MLLT10: variants seen among roughly 807,000 people sequenced by gnomAD.
The protein encoded by MLLT10 is MLLT10 histone lysine methyltransferase DOT1L cofactor.
In MLLT10, 30 loss-of-function variants were observed where a neutral mutation model predicts 129.1. The observed-to-expected ratio is 0.23, with a 90% CI of 0.17 to 0.32. The LOEUF is 0.32. MLLT10 is among the 10% of genes least tolerant of loss of function. The probability of loss-of-function intolerance (pLI) is 1.00; values close to 1 mark genes in which losing one functional copy is unlikely to be tolerated. For synonymous variants in MLLT10, 490 were observed against 446.4 expected, an observed-to-expected ratio of 1.10 and a Z score of -1.23; for missense variants, 1,119 against 1,268.3, an observed-to-expected ratio of 0.88 and a Z score of 1.79.
chr10:21,569,323 A>G lies in MLLT10; in HGVS notation c.241-16971A>G, dbSNP rs114216581. On this transcript the variant is annotated intron_variant, in intron 3 of 22. Coordinates refer to ENST00000307729, the MANE Select transcript of MLLT10 (RefSeq NM_001195626.3). ...AGGCTGGAGTGCAGTGGCATGCACA[A>G]TCATAGCTCATTAAGCCTCCACCTC... Among the ~76,000 whole-genome samples, 584 of 150,832 alleles carry G rather than the reference A, an allele frequency of 3.9e-3. 6 individuals are homozygous for G. The highest frequency in any genetic ancestry group is 0.013 in the African/African-American group (549 of 41,058).
intron 3 of MLLT10, among the ~76,000 whole-genome samples, chr10:21,575,115 T>G (rs1172441962): frequency 6.6e-6 from 1 of 152,190 alleles, no homozygotes; most frequent in Non-Finnish European, 1.5e-5. Flanking sequence ...TACTATTTCT[T>G]TTTTCTACTT....
chr10:21,627,070 A>G (rs2046524031), intron 8 of MLLT10, among the ~76,000 whole-genome samples: 1 of 152,110 alleles, frequency 6.6e-6, no homozygotes, highest in Admixed American at 6.5e-5. Flanking sequence ...GGTTTTTTCA[A>G]TAGTTTCAAA....
chr10:21,659,941 T>C (rs2049994529), intron 9 of MLLT10, among the ~76,000 whole-genome samples: 1 of 152,170 alleles, frequency 6.6e-6, no homozygotes, highest in Non-Finnish European at 1.5e-5. Context: ...ATAAAAATCC[T>C]GTTGAAATTT....
chr10:21,723,629 G>A (rs921799291), intron 14 of MLLT10, among the ~76,000 whole-genome samples: 2 of 152,108 alleles, frequency 1.3e-5, no homozygotes, highest in Non-Finnish European at 2.9e-5. Context: ...GAGGACCACC[G>A]TATCCGCATT....
chr10:21,660,788 A>C (rs184346350), intron 9 of MLLT10, among the ~76,000 whole-genome samples: 5 of 149,466 alleles, frequency 3.3e-5, no homozygotes, highest in Admixed American at 1.4e-4. Flanking sequence ...GCAGGGAATC[A>C]CTTGAACCCA....
intron 8 of MLLT10, among the ~76,000 whole-genome samples, chr10:21,630,324 G>A (rs1208813403): frequency 6.6e-6 from 1 of 152,210 alleles, no homozygotes; most frequent in Non-Finnish European, 1.5e-5. Flanking sequence ...TAAGGTTCAA[G>A]AATAAGTATA....
rs949568778 is a variant in MLLT10 at position 21,743,477 on chromosome 10, T to C, written c.*1494T>C. The C allele has an allele frequency of 1.1e-4, 21 of 190,798 alleles. No individual in the cohort carries two copies. The highest frequency in any genetic ancestry group is 4.4e-4 in the African/African-American group (19 of 43,000). 11.8% of individuals were successfully genotyped at this position (190,798 alleles called of 1,614,324 possible). On this transcript the variant is annotated 3_prime_UTR_variant, in exon 23 of 23. Coordinates refer to ENST00000307729, the MANE Select transcript of MLLT10 (RefSeq NM_001195626.3). ...TAGATAATTTAAAAAATCAGTGTGG[T>C]TTATTTTACTTATTTAACCCACTGG...
At position 21,542,784 on chromosome 10, in the gene MLLT10, G is replaced by A. The variant is rs73592581; in HGVS notation, c.240+3872G>A. ...TGTACTTGTCCTAGCTACGTGGGAG[G>A]CCGAGGCAGGAGGATCCATTGAGCC... On this transcript the variant is annotated intron_variant, in intron 3 of 22. Coordinates refer to ENST00000307729, the MANE Select transcript of MLLT10 (RefSeq NM_001195626.3). 1.9e-3 allele frequency among the ~76,000 whole-genome samples: 284 copies of A among 152,270 alleles called. 1 individual carries two copies. Among genetic ancestry groups the A allele is most frequent in the African/African-American group, 6.4e-3 (267 of 41,556 alleles).
At chr10:21,692,632 ATTACACCCAGTAATTTTTTTTTT>A (rs1369982119) in intron 13 of MLLT10, among the ~76,000 whole-genome samples, 1 of 151,582 alleles carries the variant, frequency 6.6e-6, no homozygotes, top group Non-Finnish European at 1.5e-5. Context: ...GGCACACACC[ATTACACCCAGTAATTTTTTTTTT>A]TTTCTTTTTC....
At chr10:21,671,943 A>T (rs1362071146) in intron 10 of MLLT10, among the ~76,000 whole-genome samples, 1 of 152,044 alleles carries the variant, frequency 6.6e-6, no homozygotes, top group African/African-American at 2.4e-5. Flanking sequence ...ACAGAACAAG[A>T]CCCTGCCTCA....
chr10:21,666,227 T>C (rs1212672497), intron 9 of MLLT10, among the ~76,000 whole-genome samples: 1 of 152,148 alleles, frequency 6.6e-6, no homozygotes, highest in Non-Finnish European at 1.5e-5. Flanking sequence ...ATTATACTAG[T>C]TTACATAAAG....
At chr10:21,580,084 T>C (rs1339408741) in intron 3 of MLLT10, among the ~76,000 whole-genome samples, 1 of 150,660 alleles carries the variant, frequency 6.6e-6, no homozygotes, top group East Asian at 2.0e-4. Flanking sequence ...GCAGTATTGC[T>C]ATTATATTAC....
chr10:21,672,167 C>CTGTG (rs1252360576), intron 10 of MLLT10, among the ~76,000 whole-genome samples: 7 of 76,604 alleles, frequency 9.1e-5, no homozygotes, highest in Non-Finnish European at 1.3e-4. Context: ...TCCAGGTTTT[C>CTGTG]AGTGTGTGTG....
intron 6 of MLLT10, among the ~76,000 whole-genome samples, chr10:21,613,109 G>A (rs907495417): frequency 2.1e-5 from 3 of 144,992 alleles, no homozygotes; most frequent in Admixed American, 1.5e-4. Flanking sequence ...CAAGAGAATC[G>A]CTTAAACCTG....
chr10:21,742,273 A>G lies in MLLT10; in HGVS notation c.*290A>G. The G allele has an allele frequency of 2.9e-6, 1 of 339,078 alleles. No individual in the cohort carries two copies. Among genetic ancestry groups the G allele is most frequent in the Non-Finnish European group, 5.3e-6 (1 of 187,940 alleles). The allele number at this position is 339,078 out of a possible 1,614,324, so 21.0% of individuals were successfully genotyped here. On this transcript the variant is annotated 3_prime_UTR_variant, in exon 23 of 23. Transcript: ENST00000307729. ...ATAATTTACATGCAATATGTTTATCAACTCAAGAATTTAATATAGTTGGTA... is the reference window on the plus strand; with the variant it reads ...ATAATTTACATGCAATATGTTTATCGACTCAAGAATTTAATATAGTTGGTA...
Position 21,599,306 on chromosome 10 carries a change from C to A in MLLT10, c.405+3866C>A, listed in dbSNP as rs11012747. On this transcript the variant is annotated intron_variant, in intron 5 of 22. Transcript: ENST00000307729. ...GCAGTGAGCCAAGATTGTGCCACTGCACTCCAGCCTGGGCGACAGAATGAG... is the reference window on the plus strand; with the variant it reads ...GCAGTGAGCCAAGATTGTGCCACTGAACTCCAGCCTGGGCGACAGAATGAG... Among the ~76,000 whole-genome samples the A allele has an allele frequency of 2.8e-3, 429 of 152,286 alleles. 1 individual carries two copies. Among genetic ancestry groups the A allele is most frequent in the African/African-American group, 0.01 (418 of 41,566 alleles).
At chr10:21,637,008 C>T (rs1305215163) in intron 8 of MLLT10, among the ~76,000 whole-genome samples, 3 of 152,086 alleles carry the variant, frequency 2.0e-5, no homozygotes, top group African/African-American at 7.2e-5. Flanking sequence ...GTGGGTGTGG[C>T]GTTCAGTTTC....
At chr10:21,733,304 G>T (rs2058099235) in intron 18 of MLLT10, among the ~76,000 whole-genome samples, 200 bp from the exon 19 acceptor site, 1 of 152,056 alleles carries the variant, frequency 6.6e-6, no homozygotes, top group Non-Finnish European at 1.5e-5. Context: ...AATGTCTAAT[G>T]ATCTCGTTAT....
intron 9 of MLLT10, among the ~76,000 whole-genome samples, chr10:21,655,283 G>A (rs2049452713): frequency 6.6e-6 from 1 of 152,148 alleles, no homozygotes; most frequent in Non-Finnish European, 1.5e-5. Context: ...CAGTAATGTA[G>A]GTACTAAGGT....
Sources: gnomAD v4.1 joint callset for allele counts (sites outside exome capture counted in the v4.1 genomes callset) on GRCh38, gnomAD v4.1.1 for gene constraint, MANE v1.5 for transcripts, NCBI Gene and HGNC (gene_info 2026-07-23, HGNC 2026-07-21) for gene names.